Variants in PCDHA11 observed in about 807,000 individuals in gnomAD.
PCDHA11 encodes the protein protocadherin alpha-11.
PCDHA11 carries 61 observed loss-of-function variants against 70.3 expected under a neutral mutation model. The observed-to-expected ratio is 0.87, with a 90% CI of 0.71 to 1.07. PCDHA11 has a LOEUF of 1.07. Ranked by LOEUF, PCDHA11 falls within the 50% of genes least tolerant of loss-of-function variation. The probability of loss-of-function intolerance (pLI) is 0.00; values close to 1 mark genes in which losing one functional copy is unlikely to be tolerated. For synonymous variants in PCDHA11, 633 were observed against 555.1 expected, an observed-to-expected ratio of 1.14 and a Z score of -1.97; for missense variants, 1,324 against 1,237.5, an observed-to-expected ratio of 1.07 and a Z score of -1.05.
At chr5:140,989,363 T>A (rs2097339689) in intron 3 of PCDHA11, among the ~76,000 whole-genome samples, 1 of 152,158 alleles carries the variant, frequency 6.6e-6, no homozygotes, top group Non-Finnish European at 1.5e-5. Flanking sequence ...GTCACCTGTG[T>A]GACTGAGAGC....
chr5:140,870,643 G>C lies in PCDHA11; in HGVS notation c.1540G>C (p.Gly514Arg), dbSNP rs782549928. The C allele has an allele frequency of 6.2e-7, 1 of 1,612,678 alleles. No homozygotes were observed. Among genetic ancestry groups the C allele is most frequent in the African/African-American group, 1.3e-5 (1 of 74,908 alleles). ...CTACGTGTCGGTGCACGCGGAGAGC[G>C]GCAAGGTGTACGCGCTGCAGCCGTT... Reference protein sequence around the residue: ...SSYVSVHAESGKVYALQPLDH... With the variant: ...SSYVSVHAESRKVYALQPLDH... Residue 514 changes from glycine (G) to arginine (R), a missense_variant, in exon 1 of 4, where the codon GGC becomes CGC. By Grantham distance (125) the Gly-to-Arg change is moderately radical (BLOSUM62 -2). Coordinates refer to ENST00000398640, the MANE Select transcript of PCDHA11 (RefSeq NM_018902.5).
At chr5:140,960,728 A>G (rs200453950) in intron 1 of PCDHA11, among the ~76,000 whole-genome samples, 1 of 30,214 alleles carries the variant, frequency 3.3e-5, no homozygotes, top group African/African-American at 2.6e-4. Flanking sequence ...ATTTTAGTCC[A>G]TGATTTTAGT....
chr5:140,879,787 T>C (rs1409881516), intron 1 of PCDHA11, among the ~76,000 whole-genome samples: 2 of 152,204 alleles, frequency 1.3e-5, no homozygotes. Flanking sequence ...AATCTGGTTT[T>C]TGTTTCTTCC....
intron 3 of PCDHA11, among the ~76,000 whole-genome samples, chr5:141,000,771 G>A (rs1318485268): frequency 2.0e-5 from 3 of 151,790 alleles, no homozygotes; most frequent in Non-Finnish European, 4.4e-5. Context: ...GCCAGGCATA[G>A]TGGCGCACAC....
chr5:140,877,818 T>G (rs1207543793), intron 1 of PCDHA11: 3 of 1,608,774 alleles, frequency 1.9e-6, no homozygotes, highest in African/African-American at 2.7e-5. Context: ...CTCGAGAAGA[T>G]TGTTTAAATC....
At chr5:140,936,433 G>A (rs907839925) in intron 1 of PCDHA11, among the ~76,000 whole-genome samples, 4 of 152,126 alleles carry the variant, frequency 2.6e-5, no homozygotes, top group Admixed American at 2.6e-4. Flanking sequence ...ATTAATTTAA[G>A]CTTAAATAAC....
chr5:140,935,736 A>G (rs2090532745), intron 1 of PCDHA11, among the ~76,000 whole-genome samples: 1 of 152,190 alleles, frequency 6.6e-6, no homozygotes, highest in Admixed American at 6.5e-5. Flanking sequence ...TCTAGTATCT[A>G]TTATTCCATA....
At position 140,871,188 on chromosome 5, in the gene PCDHA11, C is replaced by G. The variant is rs782347896; in HGVS notation, c.2085C>G (p.Val695=). ...AASPEAALVD[V]NVYLIIAICV... Reference sequence around the variant, plus strand: ...GCCCAGAGGCTGCGCTGGTGGATGTCAACGTGTACCTGATCATCGCCATCT... The same window carrying G: ...GCCCAGAGGCTGCGCTGGTGGATGTGAACGTGTACCTGATCATCGCCATCT... The change falls in exon 1 of 4, where the codon GTC becomes GTG. Residue 695 remains valine (V), a synonymous_variant. Transcript: ENST00000398640. 9.9e-6 allele frequency: 16 copies of G among 1,613,638 alleles called. 1 individual carries two copies. In the South Asian group the frequency reaches 1.8e-4, roughly 18 times the overall value.
At chr5:141,006,553 G>A (rs1554260809) in intron 3 of PCDHA11, among the ~76,000 whole-genome samples, 1 of 152,168 alleles carries the variant, frequency 6.6e-6, no homozygotes, top group African/African-American at 2.4e-5. Context: ...AAGAAATAAA[G>A]ATGACTCTGG....
At chr5:140,926,908 G>C (rs950305439) in intron 1 of PCDHA11, 2 of 1,560,316 alleles carry the variant, frequency 1.3e-6, no homozygotes, top group Admixed American at 1.8e-5. Flanking sequence ...GGGCTGTGGG[G>C]TGGCAGTTTT....
At chr5:140,882,070 C>A in intron 1 of PCDHA11, 1 of 854,286 alleles carries the variant, frequency 1.2e-6, no homozygotes, top group Non-Finnish European at 1.8e-6. Context: ...CGTTCATGCG[C>A]ATGGTGTCGC....
intron 1 of PCDHA11, chr5:140,969,003 G>A: frequency 6.2e-7 from 1 of 1,614,226 alleles, no homozygotes; most frequent in Admixed American, 1.7e-5. Context: ...GGAGGCTTCT[G>A]TGGAGTAAGG....
At chr5:140,932,728 T>C (rs2088582843) in intron 1 of PCDHA11, among the ~76,000 whole-genome samples, 1 of 151,886 alleles carries the variant, frequency 6.6e-6, no homozygotes, top group African/African-American at 2.4e-5. Context: ...TTGTATAATA[T>C]AGACCCTCAA....
At chr5:140,979,051 G>T (rs1554240209) in intron 2 of PCDHA11, 44 bp downstream of exon 2, 1 of 1,609,534 alleles carries the variant, frequency 6.2e-7, no homozygotes, top group South Asian at 1.1e-5. Flanking sequence ...ACCTTAACTT[G>T]GTATGGCTCA....
chr5:140,969,704 T>A (rs1317094729), intron 1 of PCDHA11, among the ~76,000 whole-genome samples: 2 of 152,172 alleles, frequency 1.3e-5, no homozygotes, highest in African/African-American at 4.8e-5. Context: ...TGCTGTATCA[T>A]CTACAGGGAA....
chr5:140,908,547 A>G (rs2074022083), intron 1 of PCDHA11, among the ~76,000 whole-genome samples: 1 of 152,152 alleles, frequency 6.6e-6, no homozygotes, highest in Non-Finnish European at 1.5e-5. Context: ...AAAGCCCAGT[A>G]ATAGGCCAAG....
At chr5:140,975,309 T>C (rs182558596) in intron 1 of PCDHA11, among the ~76,000 whole-genome samples, 161 of 152,342 alleles carry the variant, frequency 1.1e-3, no homozygotes, top group African/African-American at 3.2e-3. Flanking sequence ...CTCATGTGAT[T>C]ATGTCAGTCC....
intron 1 of PCDHA11, chr5:140,875,865 G>A (rs782211791): frequency 6.2e-7 from 1 of 1,614,160 alleles, no homozygotes; most frequent in Non-Finnish European, 8.5e-7. Context: ...ACAACCCGCC[G>A]GTGTTCAGAG....
intron 1 of PCDHA11, among the ~76,000 whole-genome samples, chr5:140,954,268 A>C (rs1381458746): frequency 2.0e-5 from 3 of 152,224 alleles, no homozygotes; most frequent in African/African-American, 7.2e-5. Flanking sequence ...TCTTTATAAT[A>C]GGATGATTTA....
Sources: gnomAD v4.1 joint callset for allele counts (sites outside exome capture counted in the v4.1 genomes callset) on GRCh38, gnomAD v4.1.1 for gene constraint, MANE v1.5 for transcripts, NCBI Gene and HGNC (gene_info 2026-07-23, HGNC 2026-07-21) for gene names.